The following HMCN2 variants were observed in gnomAD, a reference collection of about 807,000 sequenced individuals.
The protein encoded by HMCN2 is hemicentin 2, also known as hemicentin-2.
HMCN2 carries 325 observed loss-of-function variants against 377.5 expected under a neutral mutation model. That is an observed-to-expected ratio of 0.86 (90% CI 0.79 to 0.94). The LOEUF is 0.94. HMCN2 is among the 40% of genes least tolerant of loss of function. The probability of loss-of-function intolerance (pLI) is 0.00; values close to 1 mark genes in which losing one functional copy is unlikely to be tolerated. For synonymous variants in HMCN2, 2,007 were observed against 2,046.8 expected (o/e 0.98, Z 0.53); for missense variants, 4,543 against 4,725.3 (o/e 0.96, Z 1.13).
Position 130,304,397 on chromosome 9 carries a change from T to C in HMCN2, c.1544-333T>C, listed in dbSNP as rs1554935772. On this transcript the variant is annotated intron_variant, in intron 10 of 97. Transcript: ENST00000683500. The surrounding 1 kb of genome is among the most constrained non-coding windows in gnomAD (Gnocchi z 4.3). ...TCCTCTGGCTGGAGACTTCCAAGGC[T>C]TTATTCCTCAGCGTGGCATCTTCAG... Among the ~76,000 whole-genome samples the C allele has an allele frequency of 6.6e-6, 1 of 152,222 alleles. No individual in the cohort carries two copies. The highest frequency in any genetic ancestry group is 1.5e-5 in the Non-Finnish European group (1 of 68,038).
intron 46 of HMCN2, among the ~76,000 whole-genome samples, chr9:130,372,033 G>T (rs1290527494): frequency 2.0e-5 from 3 of 152,224 alleles, no homozygotes; most frequent in Non-Finnish European, 4.4e-5. Context: ...CCCAGAGCCA[G>T]GGGTGGCCAG....
chr9:130,433,679 C>T lies in HMCN2; in HGVS notation c.15226C>T (p.Pro5076Ser), dbSNP rs1364727749. ...CTTCGTCTTGCTCATCGCCGTGTCC[C>T]CCTACCCCTACTAAACGGGAGAGGG... is the stretch of plus-strand genomic sequence containing the variant. ...SVFVLLIAVS[P>S]YPY The change falls in exon 98 of 98, where the codon CCC becomes TCC. Residue 5076 changes from proline (P) to serine (S), a missense_variant. Physicochemically the swap from Pro to Ser is moderately conservative, Grantham distance 74. Around this residue, in one of 5 missense-constraint regions of HMCN2, gnomAD observed 1,155 missense variants for 1,157.7 expected, o/e 1.00. Coordinates refer to ENST00000683500, the MANE Select transcript of HMCN2 (RefSeq NM_001291815.2). The T allele has an allele frequency of 1.3e-5, 20 of 1,490,278 alleles. No individual in the cohort carries two copies. Among genetic ancestry groups the T allele is most frequent in the Non-Finnish European group, 1.7e-5 (19 of 1,123,858 alleles). The allele number at this position is 1,490,278 out of a possible 1,614,324, so 92.3% of individuals were successfully genotyped here. A position where few individuals can be genotyped will look rare whatever the true frequency, so the allele number is the denominator to read the frequency against.
chr9:130,403,588 C>G (rs1482012140), intron 79 of HMCN2, among the ~76,000 whole-genome samples, 153 bp from the exon 80 acceptor site: 1 of 152,184 alleles, frequency 6.6e-6, no homozygotes, highest in African/African-American at 2.4e-5. Flanking sequence ...GAGCTGGGCT[C>G]AGGGTCAGGC....
chr9:130,338,665 GA>G (rs2131466781), intron 23 of HMCN2: 1 of 152,308 alleles, frequency 6.6e-6, no homozygotes, highest in East Asian at 1.9e-4. Context: ...CATTCAAAGG[GA>G]GCCAGCCAGT....
At chr9:130,278,958 G>A (rs1554924614) in intron 1 of HMCN2, among the ~76,000 whole-genome samples, 1 of 149,140 alleles carries the variant, frequency 6.7e-6, no homozygotes, top group East Asian at 2.0e-4. Context: ...GAGTGCAATG[G>A]CGTGATCCTG....
At chr9:130,411,316 C>A (rs1564869750) in intron 85 of HMCN2, among the ~76,000 whole-genome samples, 1 of 151,978 alleles carries the variant, frequency 6.6e-6, no homozygotes, top group Non-Finnish European at 1.5e-5. Flanking sequence ...GAAGGAAATT[C>A]TAGGGCTGGG....
In HMCN2 at chr9:130,351,552, C is replaced by T; in HGVS notation, c.4560C>T (p.Ala1520=). 1.0e-5 allele frequency: 13 copies of T among 1,303,794 alleles called. No individual in the cohort carries two copies. Among genetic ancestry groups the T allele is most frequent in the Non-Finnish European group, 1.3e-5 (13 of 988,630 alleles). The allele number at this position is 1,303,794 out of a possible 1,614,324, so 80.8% of individuals were successfully genotyped here. ...CCTTCAGCCCAGCTGGTCAGCAGGC[C>T]AGGGACTTCCAGCTCCGAGTTCATG... is the stretch of plus-strand genomic sequence containing the variant. ...CVAFSPAGQQ[A]RDFQLRVHAP... The change falls in exon 30 of 98, where the codon GCC becomes GCT. Residue 1520 remains alanine, a synonymous_variant. Transcript: ENST00000683500. The surrounding 1 kb of genome is among the most constrained non-coding windows in gnomAD (Gnocchi z 5.4).
At position 130,428,558 on chromosome 9, in the gene HMCN2, C is replaced by T. The variant is rs1430698259; in HGVS notation, c.14197+69C>T. 2 of 1,517,950 alleles carry T rather than the reference C, an allele frequency of 1.3e-6. No homozygotes were observed. The highest frequency in any genetic ancestry group is 8.8e-7 in the Non-Finnish European group (1 of 1,134,608). 94.0% of individuals were successfully genotyped at this position (1,517,950 alleles called of 1,614,324 possible). On this transcript the variant is annotated intron_variant, in intron 93 of 97. Transcript: ENST00000683500. This position sits in a 1 kb window ranked among gnomAD's most constrained non-coding sequence, Gnocchi z 5.0. ...CCAGAGGTTGCCAGGGATCAGCTGA[C>T]AGGGGGCTGTGTGTCACTGGGCTCT...
intron 80 of HMCN2, among the ~76,000 whole-genome samples, chr9:130,404,461 G>A (rs1036952964): frequency 6.6e-6 from 1 of 152,214 alleles, no homozygotes; most frequent in Non-Finnish European, 1.5e-5. Flanking sequence ...CAGACACCAA[G>A]CCAGTGACCC....
intron 12 of HMCN2, 120 bp downstream of exon 12, chr9:130,306,390 T>G: frequency 2.5e-6 from 1 of 403,450 alleles, no homozygotes; most frequent in Non-Finnish European, 5.2e-6. Context: ...CCTTCCTTGC[T>G]CCTGGGATCA....
intron 4 of HMCN2, among the ~76,000 whole-genome samples, chr9:130,292,956 C>CTCTATCTA (rs139794898): frequency 0.023 from 3,364 of 144,734 alleles, 45 homozygotes; most frequent in Middle Eastern, 0.047. Flanking sequence ...GGATCAATTG[C>CTCTATCTA]TCTATCTATC....
chr9:130,426,175 G>A (rs1474755317), intron 90 of HMCN2, among the ~76,000 whole-genome samples: 1 of 151,974 alleles, frequency 6.6e-6, no homozygotes, highest in Non-Finnish European at 1.5e-5. Flanking sequence ...CTTTCCCCAG[G>A]CCCCAGGGTG....
At chr9:130,387,743 C>T (rs1842099000) in intron 61 of HMCN2, among the ~76,000 whole-genome samples, 1 of 152,126 alleles carries the variant, frequency 6.6e-6, no homozygotes, top group Admixed American at 6.5e-5. Flanking sequence ...GAGCGGTGGG[C>T]ACATGCAACC....
At position 130,414,616 on chromosome 9, in the gene HMCN2, T is replaced by C. The variant is rs1349384542; in HGVS notation, c.12961+3964T>C. Among the ~76,000 whole-genome samples the C allele has an allele frequency of 6.7e-6, 1 of 148,150 alleles. No individual in the cohort carries two copies. Among genetic ancestry groups the C allele is most frequent in the East Asian group, 2.0e-4 (1 of 5,094 alleles). Reference sequence around the variant, plus strand: ...ATATCAGGTAATCTGATAAGGACTTTTTTTTTTTTTTTTAAGACAAGGTCT... The same window carrying C: ...ATATCAGGTAATCTGATAAGGACTTCTTTTTTTTTTTTTAAGACAAGGTCT... On this transcript the variant is annotated intron_variant, in intron 85 of 97. Transcript: ENST00000683500. This position sits in a 1 kb window ranked among gnomAD's most constrained non-coding sequence, Gnocchi z 4.4.
intron 19 of HMCN2, among the ~76,000 whole-genome samples, chr9:130,324,906 G>C (rs2131413591): frequency 6.6e-6 from 1 of 152,052 alleles, no homozygotes; most frequent in East Asian, 1.9e-4. Context: ...TTACAGGTGT[G>C]AGCCACTGCA....
At chr9:130,288,593 G>A (rs560988084) in intron 4 of HMCN2, among the ~76,000 whole-genome samples, 36 of 152,322 alleles carry the variant, frequency 2.4e-4, no homozygotes, top group Non-Finnish European at 3.8e-4. Context: ...CAAACTATGC[G>A]TGTGTCATTA....
intron 22 of HMCN2, among the ~76,000 whole-genome samples, chr9:130,327,995 C>T (rs1289396898): frequency 6.6e-6 from 1 of 152,192 alleles, no homozygotes; most frequent in Admixed American, 6.5e-5. Flanking sequence ...CCACGCCGTA[C>T]CCCCCAGGAG....
Position 130,424,781 on chromosome 9 carries a change from CT to C in HMCN2, c.13388del (p.Leu4463ArgfsTer24). Reference sequence around the variant, plus strand: ...CTATGCCCTGCCCCACCCAGGGCCTCTGATGCGGGTGCTCGTGGTCACCATC... The same window carrying C: ...CTATGCCCTGCCCCACCCAGGGCCTCGATGCGGGTGCTCGTGGTCACCATC... ...IRHVPANVGP[L>X]MRVLVVTIAP... On this transcript the variant is annotated frameshift_variant, in exon 88 of 98. Transcript: ENST00000683500. LOFTEE classifies it high-confidence loss of function. 6.5e-7 allele frequency: 1 copy of C among 1,538,324 alleles called. No individual in the cohort carries two copies. The highest frequency in any genetic ancestry group is 8.8e-7 in the Non-Finnish European group (1 of 1,140,292).
intron 1 of HMCN2, among the ~76,000 whole-genome samples, chr9:130,280,529 C>T (rs1835057700): frequency 6.6e-6 from 1 of 152,082 alleles, no homozygotes; most frequent in African/African-American, 2.4e-5. Flanking sequence ...CAATAGGAAA[C>T]TGAGACAGAG....
Sources: gnomAD v4.1 joint callset for allele counts (sites outside exome capture counted in the v4.1 genomes callset) on GRCh38, gnomAD v4.1.1 for gene constraint, gnomAD v4.1.1 regional missense constraint, Gnocchi (gnomAD v3.1) non-coding constraint, MANE v1.5 for transcripts, NCBI Gene and HGNC (gene_info 2026-07-23, HGNC 2026-07-21) for gene names.